The following ZCWPW2 variants were observed in gnomAD, a reference collection of about 807,000 sequenced individuals.
ZCWPW2 encodes the protein zinc finger CW-type and PWWP domain containing 2.
A neutral mutation model predicts 46.6 loss-of-function variants in ZCWPW2; 45 were observed. The ratio of observed to expected loss-of-function variants is 0.96; its 90% CI spans 0.76 to 1.24. The LOEUF is 1.24. Among genes scored for constraint, ZCWPW2 ranks in the 50% most tolerant of loss-of-function variants. ZCWPW2 has a pLI of 0.00. For missense variants in ZCWPW2, 429 were observed against 403.9 expected (o/e 1.06, Z -0.53); for synonymous variants, 152 against 137.1 (o/e 1.11, Z -0.76).
chr3:28,502,661 T>C (rs550322950), intron 6 of ZCWPW2, among the ~76,000 whole-genome samples: 5 of 152,152 alleles, frequency 3.3e-5, no homozygotes, highest in African/African-American at 9.6e-5. Context: ...GGGCAAGTAG[T>C]GTAAGAAATG....
chr3:28,492,189 A>G lies in ZCWPW2; in HGVS notation c.657+16A>G, dbSNP rs187475950. ...CAAGAAAAGGGTAAGATTGTGTTTT[A>G]TTATATAAAATATACAAACTTCAAA... On this transcript the variant is annotated intron_variant, in intron 6 of 9. Coordinates refer to ENST00000383768, the MANE Select transcript of ZCWPW2 (RefSeq NM_001040432.4). The G allele has an allele frequency of 2.2e-4, 345 of 1,588,106 alleles. 1 individual carries two copies. The Admixed American group carries it at 5.9e-3, about 27-fold the overall frequency.
At chr3:28,449,761 C>T (rs1004051886) in intron 4 of ZCWPW2, among the ~76,000 whole-genome samples, 3 of 152,052 alleles carry the variant, frequency 2.0e-5, no homozygotes, top group Non-Finnish European at 4.4e-5. Context: ...TAGAAATAAC[C>T]ATGAACATGT....
chr3:28,411,321 C>G (rs2125739067), intron 2 of ZCWPW2, among the ~76,000 whole-genome samples: 1 of 151,926 alleles, frequency 6.6e-6, no homozygotes. Context: ...TGAAATTAAA[C>G]ACCACATTAT....
intron 6 of ZCWPW2, among the ~76,000 whole-genome samples, chr3:28,503,780 CA>C (rs1399680135): frequency 4.6e-5 from 7 of 152,096 alleles, no homozygotes; most frequent in Non-Finnish European, 1.0e-4. Flanking sequence ...TTTGACTTTT[CA>C]TTTATGTTAA....
At chr3:28,357,035 A>G (rs1054388643) in intron 1 of ZCWPW2, among the ~76,000 whole-genome samples, 1 of 152,070 alleles carries the variant, frequency 6.6e-6, no homozygotes, top group African/African-American at 2.4e-5. Flanking sequence ...ATTCCCTTTC[A>G]TTTATTTTTT....
chr3:28,519,297 G>C (rs558688787), intron 8 of ZCWPW2, among the ~76,000 whole-genome samples: 1 of 152,250 alleles, frequency 6.6e-6, no homozygotes, highest in African/African-American at 2.4e-5. Flanking sequence ...GTGATAGCTA[G>C]GAAGGCTTAT....
intron 1 of ZCWPW2, among the ~76,000 whole-genome samples, chr3:28,369,920 A>T (rs946891689): frequency 6.6e-6 from 1 of 152,132 alleles, no homozygotes; most frequent in Admixed American, 6.5e-5. Flanking sequence ...TGTGCTAGCA[A>T]TGAGCGAGGC....
At chr3:28,481,992 C>CGTCATTGTCA (rs952491147) in intron 5 of ZCWPW2, among the ~76,000 whole-genome samples, 45 of 152,252 alleles carry the variant, frequency 3.0e-4, no homozygotes, top group African/African-American at 1.1e-3. Flanking sequence ...TACACTGACA[C>CGTCATTGTCA]GTCATTGTCA....
intron 1 of ZCWPW2, among the ~76,000 whole-genome samples, chr3:28,374,770 C>T (rs1019140178): frequency 2.6e-5 from 4 of 151,844 alleles, no homozygotes; most frequent in Non-Finnish European, 4.4e-5. Flanking sequence ...AGTTCTTTTT[C>T]AGATTGTTCA....
At chr3:28,523,434 A>C (rs1700773822) in intron 9 of ZCWPW2, among the ~76,000 whole-genome samples, 1 of 152,128 alleles carries the variant, frequency 6.6e-6, no homozygotes, top group African/African-American at 2.4e-5. Context: ...AGAAATAATT[A>C]ATATGTCTCC....
intron 4 of ZCWPW2, among the ~76,000 whole-genome samples, chr3:28,457,797 C>A (rs1698479130): frequency 6.6e-6 from 1 of 152,134 alleles, no homozygotes; most frequent in Non-Finnish European, 1.5e-5. Flanking sequence ...AATAAAAATT[C>A]TACACCTTGA....
At chr3:28,483,802 G>A (rs1699507955) in intron 5 of ZCWPW2, among the ~76,000 whole-genome samples, 1 of 152,056 alleles carries the variant, frequency 6.6e-6, no homozygotes, top group South Asian at 2.1e-4. Flanking sequence ...TAGTATGTCA[G>A]AAATCTATTT....
chr3:28,462,569 A>G (rs1698680002), intron 4 of ZCWPW2, among the ~76,000 whole-genome samples: 1 of 152,214 alleles, frequency 6.6e-6, no homozygotes, highest in African/African-American at 2.4e-5. Context: ...GCACTGTCAC[A>G]TTCAATTTGA....
rs960151174 is a variant in ZCWPW2, at chr3:28,524,335, C to A, written c.910-192C>A. 3.3e-5 allele frequency among the ~76,000 whole-genome samples: 5 copies of A among 151,948 alleles called. 1 individual carries two copies. Among genetic ancestry groups the A allele is most frequent in the Admixed American group, 6.6e-5 (1 of 15,236 alleles). ...ATAAGGCTGGGGAATAGACACAGAC[C>A]TAAATAATAACTTTTTCTTATATTA... is the stretch of plus-strand genomic sequence containing the variant. On this transcript the variant is annotated intron_variant, in intron 9 of 9. Transcript: ENST00000383768.
In ZCWPW2 at chr3:28,422,785, T is replaced by TGTG. The variant is rs1559498164; in HGVS notation, c.332+9385_332+9386insGTG. On this transcript the variant is annotated intron_variant, in intron 3 of 9. Coordinates refer to ENST00000383768, the MANE Select transcript of ZCWPW2 (RefSeq NM_001040432.4). Reference sequence around the variant, plus strand: ...TATGAGTATGTGTGTGTGTGTGTGTTTTTTTTTAAGAAAATGCTAAACTGT... The same window carrying TGTG: ...TATGAGTATGTGTGTGTGTGTGTGTTGTGTTTTTTTAAGAAAATGCTAAACTGT... Among the ~76,000 whole-genome samples the TGTG allele has an allele frequency of 1.3e-4, 20 of 151,756 alleles. No homozygotes were observed. The East Asian group carries it at 3.7e-3, about 28-fold the overall frequency.
At chr3:28,453,252 A>G (rs1468673790) in intron 4 of ZCWPW2, among the ~76,000 whole-genome samples, 2 of 152,208 alleles carry the variant, frequency 1.3e-5, no homozygotes, top group Non-Finnish European at 2.9e-5. Context: ...GGATTCACTC[A>G]CATTTATATA....
intron 1 of ZCWPW2, among the ~76,000 whole-genome samples, chr3:28,370,500 A>G (rs1173631693): frequency 1.3e-5 from 2 of 152,244 alleles, no homozygotes; most frequent in Non-Finnish European, 2.9e-5. Context: ...TATACTTTAT[A>G]TGAAGATCAA....
chr3:28,371,019 A>G (rs1329687842), intron 1 of ZCWPW2, among the ~76,000 whole-genome samples: 1 of 151,838 alleles, frequency 6.6e-6, no homozygotes, highest in African/African-American at 2.4e-5. Flanking sequence ...GGTGTGAACC[A>G]CCATGCCCAA....
At chr3:28,476,308 C>G (rs1559520639) in intron 4 of ZCWPW2, among the ~76,000 whole-genome samples, 1 of 151,960 alleles carries the variant, frequency 6.6e-6, no homozygotes, top group Non-Finnish European at 1.5e-5. Context: ...ACAGTTGAGC[C>G]TAATTTGGAA....
Sources: allele counts gnomAD v4.1 joint callset (sites outside exome capture counted in the v4.1 genomes callset), GRCh38; gene constraint gnomAD v4.1.1; transcripts MANE v1.5; gene names NCBI Gene and HGNC (gene_info 2026-07-23, HGNC 2026-07-21).